Variants in EVI5 observed in about 807,000 individuals in gnomAD.
The protein encoded by EVI5 is ecotropic viral integration site 5 protein homolog.
A neutral mutation model predicts 112.0 loss-of-function variants in EVI5; 73 were observed. The observed-to-expected ratio is 0.65, with a 90% CI of 0.54 to 0.79. EVI5 has a LOEUF of 0.79. Among genes scored for constraint, EVI5 ranks in the 30% least tolerant of loss-of-function variants. EVI5 has a pLI of 0.00. For missense variants in EVI5, 900 were observed against 968.8 expected (o/e 0.93, Z 0.94); for synonymous variants, 305 against 319.9 (o/e 0.95, Z 0.50).
chr1:92,617,458 C>A (rs900325458), intron 16 of EVI5, among the ~76,000 whole-genome samples: 5 of 152,190 alleles, frequency 3.3e-5, no homozygotes, highest in African/African-American at 1.2e-4. Flanking sequence ...CGGGTGACCT[C>A]AGCAGAGGAG....
intron 18 of EVI5, among the ~76,000 whole-genome samples, chr1:92,566,142 T>G (rs80191547): frequency 1.3e-5 from 2 of 152,180 alleles, no homozygotes; most frequent in African/African-American, 2.4e-5. Context: ...GTTTTTTGTT[T>G]GTTTTGCTTT....
At chr1:92,594,149 C>A (rs1674510810) in intron 18 of EVI5, among the ~76,000 whole-genome samples, 1 of 152,132 alleles carries the variant, frequency 6.6e-6, no homozygotes. Context: ...GGCACCATCC[C>A]ACCTGACTTC....
intron 18 of EVI5, among the ~76,000 whole-genome samples, chr1:92,588,498 T>TTTA (rs1382619463): frequency 1.3e-5 from 2 of 152,226 alleles, no homozygotes; most frequent in African/African-American, 4.8e-5. Context: ...CTAATGAACC[T>TTTA]TTATAAACCA....
intron 9 of EVI5, among the ~76,000 whole-genome samples, chr1:92,684,065 C>T (rs1668067734): frequency 6.6e-6 from 1 of 152,170 alleles, no homozygotes; most frequent in Non-Finnish European, 1.5e-5. Context: ...CACAAAGATA[C>T]TCCTCGAGAA....
chr1:92,734,674 A>C (rs1323471909), intron 2 of EVI5, among the ~76,000 whole-genome samples: 2 of 140,034 alleles, frequency 1.4e-5, no homozygotes, highest in African/African-American at 5.1e-5. Flanking sequence ...CTCAAAGATA[A>C]ATAAAATAAG....
chr1:92,555,651 A>G (rs565322366), intron 19 of EVI5, among the ~76,000 whole-genome samples: 1 of 152,240 alleles, frequency 6.6e-6, no homozygotes, highest in East Asian at 1.9e-4. Flanking sequence ...GGAGTTCAAG[A>G]CCAGCCTGGG....
intron 13 of EVI5, among the ~76,000 whole-genome samples, chr1:92,642,344 C>G (rs545017181): frequency 1.4e-4 from 22 of 152,214 alleles, no homozygotes; most frequent in African/African-American, 4.8e-4. Context: ...TAATCACATA[C>G]GAATGTAAAA....
At chr1:92,685,553 A>G (rs1051360512) in intron 9 of EVI5, among the ~76,000 whole-genome samples, 2 of 152,366 alleles carry the variant, frequency 1.3e-5, no homozygotes, top group South Asian at 2.1e-4. Context: ...AACTAAGATC[A>G]GAGCAGAACT....
chr1:92,600,396 T>C lies in EVI5; in HGVS notation c.2070+4911A>G, dbSNP rs1180707126. Among the ~76,000 whole-genome samples the C allele has an allele frequency of 1.3e-4, 3 of 22,626 alleles. No homozygotes were observed. In the East Asian group the frequency reaches 9.1e-3, roughly 69 times the overall value. 14.8% of individuals were successfully genotyped at this position (22,626 alleles called of 152,430 possible). ...ATGTATAATATTTGTACACATACAA[T>C]GTAACTTTGTTTTATTAACTTCTCT... On this transcript the variant is annotated intron_variant, in intron 18 of 19. Transcript: ENST00000684568.
intron 13 of EVI5, among the ~76,000 whole-genome samples, chr1:92,639,695 A>G (rs1045530909): frequency 2.6e-5 from 4 of 152,240 alleles, no homozygotes; most frequent in Non-Finnish European, 1.5e-5. Context: ...CATGCTGCCC[A>G]AAGTAATTAT....
At chr1:92,720,491 G>A (rs921516876) in intron 2 of EVI5, among the ~76,000 whole-genome samples, 2 of 152,212 alleles carry the variant, frequency 1.3e-5, no homozygotes, top group Middle Eastern at 3.4e-3. Flanking sequence ...AGCTGAAACT[G>A]GATCCCTTCC....
chr1:92,595,354 G>T (rs796915691), intron 18 of EVI5, among the ~76,000 whole-genome samples: 1 of 151,516 alleles, frequency 6.6e-6, no homozygotes, highest in East Asian at 1.9e-4. Context: ...TCATAGGTGG[G>T]AATTGAACAA....
intron 19 of EVI5, among the ~76,000 whole-genome samples, chr1:92,549,022 A>C (rs370247563): frequency 0.13 from 19,786 of 152,082 alleles, 1,401 homozygotes; most frequent in Middle Eastern, 0.18. Flanking sequence ...GAACCAAAAA[A>C]AGAGCCTGCA....
At chr1:92,588,276 C>A (rs1557846982) in intron 18 of EVI5, among the ~76,000 whole-genome samples, 1 of 152,166 alleles carries the variant, frequency 6.6e-6, no homozygotes, top group East Asian at 1.9e-4. Context: ...CCATCTGAGT[C>A]GGGAAAGGTC....
chr1:92,779,366 T>C (rs76203687), intron 1 of EVI5, among the ~76,000 whole-genome samples: 3 of 151,858 alleles, frequency 2.0e-5, no homozygotes, highest in African/African-American at 7.3e-5. Flanking sequence ...CTACTAAAAA[T>C]ACAAAAATTA....
chr1:92,555,306 T>C (rs1419033397), intron 19 of EVI5, among the ~76,000 whole-genome samples: 2 of 152,230 alleles, frequency 1.3e-5, no homozygotes, highest in Admixed American at 6.5e-5. Context: ...TCAGGATAGC[T>C]TGTAACTCCA....
intron 14 of EVI5, among the ~76,000 whole-genome samples, chr1:92,631,857 T>C (rs920079870): frequency 2.0e-5 from 3 of 152,150 alleles, no homozygotes; most frequent in Admixed American, 6.6e-5. Flanking sequence ...TACGTCCCAT[T>C]GATACCTAAT....
intron 1 of EVI5, among the ~76,000 whole-genome samples, chr1:92,783,483 TAAA>T (rs774619273): frequency 1.2e-4 from 3 of 24,266 alleles, no homozygotes; most frequent in Non-Finnish European, 2.2e-4. Flanking sequence ...GACTCAGCCT[TAAA>T]AAAAAAAAAA....
At chr1:92,533,354 A>G (rs890276256) in intron 19 of EVI5, among the ~76,000 whole-genome samples, 18 of 152,216 alleles carry the variant, frequency 1.2e-4, no homozygotes, top group Non-Finnish European at 2.5e-4. Flanking sequence ...ATTCCACCAG[A>G]GGTACAAAGA....
Sources: allele counts gnomAD v4.1 joint callset (sites outside exome capture counted in the v4.1 genomes callset), GRCh38; gene constraint gnomAD v4.1.1; transcripts MANE v1.5; gene names NCBI Gene and HGNC (gene_info 2026-07-23, HGNC 2026-07-21).